Variants in STPG2 observed in about 807,000 individuals in gnomAD.
STPG2 encodes sperm tail PG-rich repeat containing 2, also known as sperm-tail PG-rich repeat-containing protein 2.
Under a neutral mutation model 54.2 loss-of-function variants are expected in STPG2, and 56 were observed. The ratio of observed to expected loss-of-function variants is 1.03; its 90% confidence interval spans 0.83 to 1.29. The LOEUF is 1.29. STPG2 is among the 50% of genes most tolerant of loss of function. STPG2 has a pLI of 0.00. For synonymous variants in STPG2, 200 were observed against 181.8 expected (o/e 1.10, Z -0.81); for missense variants, 596 against 544.9 (o/e 1.09, Z -0.93).
intron 8 of STPG2, among the ~76,000 whole-genome samples, chr4:97,882,910 T>C (rs1210644960): frequency 6.6e-6 from 1 of 152,094 alleles, no homozygotes; most frequent in Non-Finnish European, 1.5e-5. Context: ...ACAACATGTC[T>C]AGTTTTCAAC....
chr4:97,544,168 A>G (rs987470922), intron 4 of STPG2, among the ~76,000 whole-genome samples: 1 of 152,146 alleles, frequency 6.6e-6, no homozygotes, highest in Non-Finnish European at 1.5e-5. Context: ...ACAAAATTAT[A>G]AAGATACAAT....
chr4:97,780,733 C>G (rs1445050927), intron 9 of STPG2, among the ~76,000 whole-genome samples: 1 of 151,650 alleles, frequency 6.6e-6, no homozygotes, highest in African/African-American at 2.4e-5. Context: ...CAAACTGTCT[C>G]TCAGACCACA....
chr4:97,876,497 C>A (rs1730176326), intron 8 of STPG2, among the ~76,000 whole-genome samples: 1 of 151,766 alleles, frequency 6.6e-6, no homozygotes, highest in Non-Finnish European at 1.5e-5. Flanking sequence ...AATATAAATG[C>A]CATATTAGAA....
chr4:97,624,121 T>C (rs903502461), intron 10 of STPG2, among the ~76,000 whole-genome samples: 1 of 152,182 alleles, frequency 6.6e-6, no homozygotes, highest in African/African-American at 2.4e-5. Flanking sequence ...ATCTTTGTAA[T>C]AGAATGATTT....
intron 4 of STPG2, among the ~76,000 whole-genome samples, chr4:97,487,148 T>A (rs1000901346): frequency 1.3e-5 from 2 of 150,762 alleles, no homozygotes; most frequent in African/African-American, 4.9e-5. Context: ...GTGCAGTGTA[T>A]ACTTAACTCA....
At chr4:98,099,662 G>T (rs770811154) in intron 5 of STPG2, among the ~76,000 whole-genome samples, 5 of 152,144 alleles carry the variant, frequency 3.3e-5, no homozygotes, top group Non-Finnish European at 7.4e-5. Flanking sequence ...CACTTAAGGG[G>T]ATGGATAACC....
At chr4:97,595,384 G>T (rs1295095517) in intron 10 of STPG2, among the ~76,000 whole-genome samples, 1 of 152,006 alleles carries the variant, frequency 6.6e-6, no homozygotes. Context: ...TCACTCATAG[G>T]TGGGAATTGA....
At chr4:98,123,894 T>C (rs1011051488) in intron 3 of STPG2, among the ~76,000 whole-genome samples, 1 of 152,246 alleles carries the variant, frequency 6.6e-6, no homozygotes, top group African/African-American at 2.4e-5. Flanking sequence ...ATTTTTAGAA[T>C]ACTTAGCTCT....
chr4:97,764,812 A>C (rs2149056904), intron 9 of STPG2, among the ~76,000 whole-genome samples: 1 of 152,240 alleles, frequency 6.6e-6, no homozygotes, highest in Admixed American at 6.5e-5. Flanking sequence ...CAGAATCTAA[A>C]TTCCATGGAG....
intron 3 of STPG2, among the ~76,000 whole-genome samples, chr4:98,120,980 C>A (rs1000030488): frequency 3.1e-4 from 47 of 152,220 alleles, no homozygotes; most frequent in African/African-American, 1.1e-3. Context: ...TTTGCCTGTG[C>A]CTATGTTCTC....
chr4:97,453,552 T>A (rs2148800376), intron 4 of STPG2, among the ~76,000 whole-genome samples: 1 of 152,332 alleles, frequency 6.6e-6, no homozygotes, highest in Non-Finnish European at 1.5e-5. Flanking sequence ...AATGGGATAC[T>A]GATCTGCTGA....
intron 4 of STPG2, among the ~76,000 whole-genome samples, chr4:97,493,806 G>A (rs546073215): frequency 6.6e-6 from 1 of 151,640 alleles, no homozygotes; most frequent in African/African-American, 2.4e-5. Context: ...GATCAAAGAT[G>A]AAATTGTTTT....
chr4:97,815,363 A>G (rs1727877251), intron 9 of STPG2, among the ~76,000 whole-genome samples: 2 of 152,170 alleles, frequency 1.3e-5, no homozygotes, highest in Non-Finnish European at 2.9e-5. Context: ...TATTATACTT[A>G]GTGGTTTAGC....
At chr4:97,766,407 T>C (rs916183963) in intron 9 of STPG2, among the ~76,000 whole-genome samples, 4 of 152,054 alleles carry the variant, frequency 2.6e-5, no homozygotes, top group Non-Finnish European at 5.9e-5. Flanking sequence ...GTATAATAAA[T>C]ATAAAATTCC....
intron 10 of STPG2, among the ~76,000 whole-genome samples, chr4:97,706,583 G>C (rs545020427): frequency 2.7e-4 from 41 of 152,296 alleles, no homozygotes; most frequent in African/African-American, 9.1e-4. Flanking sequence ...CTGTTAGTTT[G>C]TTAAAGCAGC....
In STPG2 at chr4:97,840,760, C is replaced by T; in HGVS notation, c.1204+13G>A. 1 of 1,607,190 alleles carries T rather than the reference C, an allele frequency of 6.2e-7. No homozygotes were observed. Among genetic ancestry groups the T allele is most frequent in the Non-Finnish European group, 8.5e-7 (1 of 1,176,820 alleles). On this transcript the variant is annotated intron_variant, in intron 9 of 10. Coordinates refer to ENST00000295268, the MANE Select transcript of STPG2 (RefSeq NM_174952.3). ...TTTTTTCCTCATAGCTTTATAAGGACTTCTAGACTTACCTGGCCCATCAGT... is the reference window on the plus strand; with the variant it reads ...TTTTTTCCTCATAGCTTTATAAGGATTTCTAGACTTACCTGGCCCATCAGT...
At chr4:97,701,311 A>C in intron 10 of STPG2, among the ~76,000 whole-genome samples, 1 of 152,230 alleles carries the variant, frequency 6.6e-6, no homozygotes, top group African/African-American at 2.4e-5. Flanking sequence ...TGTAAGTCAG[A>C]CCTGAGCTAA....
At chr4:98,086,781 A>G (rs1170512573) in intron 5 of STPG2, among the ~76,000 whole-genome samples, 1 of 151,800 alleles carries the variant, frequency 6.6e-6, no homozygotes, top group Non-Finnish European at 1.5e-5. Flanking sequence ...CATTATTGCA[A>G]CCATCTTATC....
At chr4:98,099,144 C>T (rs1445857899) in intron 5 of STPG2, among the ~76,000 whole-genome samples, 1 of 152,072 alleles carries the variant, frequency 6.6e-6, no homozygotes, top group Non-Finnish European at 1.5e-5. Flanking sequence ...ATCAATATAT[C>T]AAAGAGATAT....
Sources: gnomAD v4.1 joint callset for allele counts (sites outside exome capture counted in the v4.1 genomes callset) on GRCh38, gnomAD v4.1.1 for gene constraint, MANE v1.5 for transcripts, NCBI Gene and HGNC (gene_info 2026-07-23, HGNC 2026-07-21) for gene names.